MGAT4C: variants seen among roughly 807,000 people sequenced by gnomAD.
The protein encoded by MGAT4C is MGAT4 family member C, also known as alpha-1,3-mannosyl-glycoprotein 4-beta-N-acetylglucosaminyltransferase C.
A neutral mutation model predicts 40.1 loss-of-function variants in MGAT4C; 19 were observed. The observed-to-expected ratio is 0.47, with a 90% CI of 0.33 to 0.70. The LOEUF (loss-of-function observed/expected upper bound fraction) is 0.70. MGAT4C is among the 30% of genes least tolerant of loss of function. MGAT4C has a pLI of 0.02. For missense variants in MGAT4C, 491 were observed against 563.2 expected (o/e 0.87, Z 1.30); for synonymous variants, 181 against 187.1 (o/e 0.97, Z 0.27).
chr12:86,825,088 G>A (rs574633653), intron 1 of MGAT4C, among the ~76,000 whole-genome samples: 1 of 151,312 alleles, frequency 6.6e-6, no homozygotes, highest in Non-Finnish European at 1.5e-5. Context: ...TTTATCTGTA[G>A]ATGTAAGATT....
intron 2 of MGAT4C, among the ~76,000 whole-genome samples, chr12:86,601,612 C>T (rs377315683): frequency 5.9e-5 from 9 of 152,192 alleles, no homozygotes; most frequent in Non-Finnish European, 2.9e-5. Context: ...AACTCAGGAC[C>T]CCCAGACTGC....
rs773255529 is a variant in MGAT4C, at chr12:86,684,141, C to T, written c.-229+43068G>A. On this transcript the variant is annotated intron_variant, in intron 2 of 7. Transcript: ENST00000548651. ...CTGTAACCCCAGCACTTTGGGAGGC[C>T]GAGGCGGGCAGATCACTTGAGGTCA... 4.6e-5 allele frequency among the ~76,000 whole-genome samples: 7 copies of T among 152,138 alleles called. No individual in the cohort carries two copies. In the South Asian group the frequency reaches 6.2e-4, roughly 14 times the overall value.
chr12:86,014,837 A>ATTT (rs932589517), intron 2 of MGAT4C, among the ~76,000 whole-genome samples: 2 of 151,814 alleles, frequency 1.3e-5, no homozygotes, highest in Admixed American at 1.3e-4. Context: ...TATTATTATT[A>ATTT]TTTTTTATTT....
Position 86,518,628 on chromosome 12 carries a change from C to T in MGAT4C, c.-228-83363G>A, listed in dbSNP as rs113643336. On this transcript the variant is annotated intron_variant, in intron 2 of 7. Transcript: ENST00000548651. Reference sequence around the variant, plus strand: ...GCCACTCTGGCAAACAGTTTGGGAGCTTTTAGAAAGTTTAACATATGCTTA... The same window carrying T: ...GCCACTCTGGCAAACAGTTTGGGAGTTTTTAGAAAGTTTAACATATGCTTA... 3.4e-3 allele frequency among the ~76,000 whole-genome samples: 511 copies of T among 152,234 alleles called. 1 individual carries two copies. The highest frequency in any genetic ancestry group is 0.012 in the African/African-American group (493 of 41,556).
chr12:86,360,705 G>T (rs986910142), intron 3 of MGAT4C, among the ~76,000 whole-genome samples: 1 of 152,152 alleles, frequency 6.6e-6, no homozygotes, highest in Non-Finnish European at 1.5e-5. Flanking sequence ...GACAAACAGA[G>T]AGCCAAATCA....
chr12:86,537,819 G>T (rs1290194326), intron 2 of MGAT4C, among the ~76,000 whole-genome samples: 1 of 152,166 alleles, frequency 6.6e-6, no homozygotes, highest in Non-Finnish European at 1.5e-5. Context: ...AGGTGTGGTG[G>T]CTCATGCCTG....
chr12:86,755,873 C>G (rs1206557360), intron 1 of MGAT4C, among the ~76,000 whole-genome samples: 3 of 151,844 alleles, frequency 2.0e-5, no homozygotes, highest in Non-Finnish European at 4.4e-5. Context: ...GTCACAAACT[C>G]CTGGACTCAA....
chr12:86,224,176 A>T (rs1420935609), intron 1 of MGAT4C, among the ~76,000 whole-genome samples: 1 of 152,190 alleles, frequency 6.6e-6, no homozygotes, highest in Non-Finnish European at 1.5e-5. Flanking sequence ...CCCATCTGGC[A>T]TCCCAACAGA....
At chr12:86,805,592 T>C (rs928886656) in intron 1 of MGAT4C, among the ~76,000 whole-genome samples, 3 of 152,028 alleles carry the variant, frequency 2.0e-5, no homozygotes, top group Non-Finnish European at 4.4e-5. Flanking sequence ...GTATATGTGC[T>C]ACATTTTCTT....
intron 3 of MGAT4C, among the ~76,000 whole-genome samples, chr12:86,360,928 T>C (rs570990381): frequency 1.4e-4 from 22 of 152,252 alleles, no homozygotes; most frequent in South Asian, 6.2e-4. Context: ...AATTGATAGA[T>C]TCAATGCCAT....
chr12:86,021,074 A>G (rs564942416), intron 2 of MGAT4C, among the ~76,000 whole-genome samples: 2,110 of 152,320 alleles, frequency 0.014, 13 homozygotes, highest in Non-Finnish European at 0.022. Flanking sequence ...CACTCATTAA[A>G]AAGTCAGGAA....
At chr12:86,074,581 G>A (rs1432908425) in intron 1 of MGAT4C, among the ~76,000 whole-genome samples, 1 of 151,976 alleles carries the variant, frequency 6.6e-6, no homozygotes, top group Non-Finnish European at 1.5e-5. Context: ...AATCACTGGT[G>A]GTTTTTCTTA....
chr12:86,551,462 C>T (rs1959357442), intron 2 of MGAT4C, among the ~76,000 whole-genome samples: 1 of 152,196 alleles, frequency 6.6e-6, no homozygotes, highest in Non-Finnish European at 1.5e-5. Flanking sequence ...GCCAGCCAAA[C>T]AGCTGTGTGC....
In MGAT4C at chr12:86,120,120, G is replaced by GA. The variant is rs1239161287; in HGVS notation, c.-56-70398dup. ...TATGATTAAATATGTTACCTTTACA[G>GA]AAAAAAATAGGTAAGAAACATAGGC... On this transcript the variant is annotated intron_variant, in intron 1 of 4. Coordinates refer to ENST00000611864, the MANE Select transcript of MGAT4C (RefSeq NM_001351288.2). Among the ~76,000 whole-genome samples the GA allele has an allele frequency of 3.3e-5, 5 of 150,894 alleles. No individual in the cohort carries two copies. In the East Asian group the frequency reaches 7.8e-4, roughly 24 times the overall value.
intron 3 of MGAT4C, among the ~76,000 whole-genome samples, chr12:86,346,917 A>T (rs776749026): frequency 4.6e-5 from 7 of 152,160 alleles, no homozygotes; most frequent in Non-Finnish European, 1.0e-4. Flanking sequence ...GGCCTTCATC[A>T]TACTCCCATA....
intron 3 of MGAT4C, among the ~76,000 whole-genome samples, chr12:86,403,228 T>C (rs1309057154): frequency 6.6e-6 from 1 of 152,210 alleles, no homozygotes; most frequent in Non-Finnish European, 1.5e-5. Flanking sequence ...ACATTGATTA[T>C]TATTATTTCC....
At chr12:86,773,132 G>A (rs887947512) in intron 1 of MGAT4C, among the ~76,000 whole-genome samples, 3 of 152,108 alleles carry the variant, frequency 2.0e-5, no homozygotes, top group Non-Finnish European at 4.4e-5. Context: ...GACTATATTT[G>A]ATGGTCACTT....
chr12:86,588,904 T>A (rs1406286016), intron 2 of MGAT4C, among the ~76,000 whole-genome samples: 1 of 148,932 alleles, frequency 6.7e-6, no homozygotes, highest in Non-Finnish European at 1.5e-5. Context: ...TTCAAAGCAG[T>A]GAGTAGAGGG....
intron 1 of MGAT4C, among the ~76,000 whole-genome samples, chr12:86,084,249 C>T (rs1158284775): frequency 2.0e-5 from 3 of 152,014 alleles, no homozygotes; most frequent in African/African-American, 7.2e-5. Context: ...GGGTTTAGAA[C>T]CTGGTAGGGT....
Sources: gnomAD v4.1 joint callset for allele counts (sites outside exome capture counted in the v4.1 genomes callset) on GRCh38, gnomAD v4.1.1 for gene constraint, MANE v1.5 for transcripts, NCBI Gene and HGNC (gene_info 2026-07-23, HGNC 2026-07-21) for gene names.